Variants in CERT1 observed in about 807,000 individuals in gnomAD.
The protein encoded by CERT1 is ceramide transporter 1.
In CERT1, 31 loss-of-function variants were observed where a neutral mutation model predicts 87.9. That is an observed-to-expected ratio of 0.35 (90% CI 0.27 to 0.48). The LOEUF (loss-of-function observed/expected upper bound fraction) is 0.48, where lower values mean the gene tolerates loss of function less well. CERT1 is among the 20% of genes least tolerant of loss of function. The pLI is 0.99. For synonymous variants in CERT1, 289 were observed against 250.9 expected (o/e 1.15, Z -1.44); for missense variants, 487 against 758.0 (o/e 0.64, Z 4.20).
At chr5:75,379,566 C>T (rs1162086085) in intron 16 of CERT1, 93 bp from the exon 17 acceptor site, 1 of 1,174,080 alleles carries the variant, frequency 8.5e-7, no homozygotes, top group Non-Finnish European at 1.2e-6. Context: ...TAAAATATTC[C>T]TCACATTGGA....
chr5:75,399,530 A>G, intron 10 of CERT1, 143 bp from the exon 11 acceptor site: 1 of 661,192 alleles, frequency 1.5e-6, no homozygotes, highest in Non-Finnish European at 2.8e-6. Context: ...TGCTGACTTC[A>G]TGCACCTATT....
chr5:75,511,748 C>G, upstream of CERT1: 2 of 1,551,026 alleles, frequency 1.3e-6, no homozygotes, highest in Non-Finnish European at 1.7e-6. Flanking sequence ...GATCCTCCTC[C>G]CGAACCCTAC....
chr5:75,387,404 G>A (rs1761836015), intron 12 of CERT1, among the ~76,000 whole-genome samples: 1 of 152,048 alleles, frequency 6.6e-6, no homozygotes, highest in African/African-American at 2.4e-5. Context: ...TAAGTAGTCT[G>A]CTTGTTCTCC....
intron 2 of CERT1, among the ~76,000 whole-genome samples, chr5:75,503,300 G>A (rs974550990): frequency 6.6e-6 from 1 of 151,782 alleles, no homozygotes; most frequent in African/African-American, 2.4e-5. Context: ...AATTTCATAA[G>A]AGTGCCATAT....
At chr5:75,477,182 G>A (rs1480668895) in intron 2 of CERT1, among the ~76,000 whole-genome samples, 1 of 152,062 alleles carries the variant, frequency 6.6e-6, no homozygotes, top group African/African-American at 2.4e-5. Context: ...TATTTGGAGA[G>A]TTGGTTCTTC....
At chr5:75,493,055 G>A (rs926409179) in intron 2 of CERT1, among the ~76,000 whole-genome samples, 3 of 152,062 alleles carry the variant, frequency 2.0e-5, no homozygotes, top group Non-Finnish European at 4.4e-5. Flanking sequence ...AACCTCTATC[G>A]CATTTTCCTC....
At chr5:75,423,384 GA>G (rs11331996) in intron 5 of CERT1, among the ~76,000 whole-genome samples, 52,540 of 147,190 alleles carry the variant, frequency 0.36, 11,009 homozygotes, top group African/African-American at 0.6. Context: ...TTTTAGAGGG[GA>G]AAAAAAAAAA....
chr5:75,444,858 A>C (rs1473300178), intron 3 of CERT1, among the ~76,000 whole-genome samples: 1 of 151,940 alleles, frequency 6.6e-6, no homozygotes, highest in Non-Finnish European at 1.5e-5. Flanking sequence ...TTGATTTTTC[A>C]TAGTGAAATA....
At chr5:75,458,361 C>T (rs1441400380) in intron 3 of CERT1, among the ~76,000 whole-genome samples, 1 of 151,938 alleles carries the variant, frequency 6.6e-6, no homozygotes, top group East Asian at 1.9e-4. Context: ...TAAGAATTTA[C>T]CCAAAAAGTT....
At chr5:75,440,111 A>G (rs888656874) in intron 3 of CERT1, among the ~76,000 whole-genome samples, 1 of 152,122 alleles carries the variant, frequency 6.6e-6, no homozygotes, top group African/African-American at 2.4e-5. Context: ...CAAGACTCAG[A>G]CTGAAAATGT....
chr5:75,495,685 C>CT (rs1767028305), intron 2 of CERT1, among the ~76,000 whole-genome samples: 1 of 152,076 alleles, frequency 6.6e-6, no homozygotes, highest in South Asian at 2.1e-4. Flanking sequence ...AAATTTAAGG[C>CT]TTTGTCACTT....
chr5:75,504,702 A>G (rs957503132), intron 2 of CERT1, among the ~76,000 whole-genome samples: 3 of 151,510 alleles, frequency 2.0e-5, no homozygotes, highest in East Asian at 1.9e-4. Flanking sequence ...TTTTAACTAC[A>G]ACAGCTCCCT....
intron 10 of CERT1, 128 bp from the exon 11 acceptor site, chr5:75,399,515 G>C (rs1762383103): frequency 2.9e-6 from 2 of 695,192 alleles, no homozygotes; most frequent in Admixed American, 2.3e-5. Context: ...AAGCACAGCA[G>C]CAACTGCTGA....
At chr5:75,440,614 C>A (rs535829147) in intron 3 of CERT1, among the ~76,000 whole-genome samples, 2 of 152,092 alleles carry the variant, frequency 1.3e-5, no homozygotes, top group Non-Finnish European at 2.9e-5. Context: ...AGGCAAAATG[C>A]TAAAGTGACA....
At chr5:75,419,838 T>A (rs931525124) in intron 5 of CERT1, among the ~76,000 whole-genome samples, 1 of 152,186 alleles carries the variant, frequency 6.6e-6, no homozygotes, top group Non-Finnish European at 1.5e-5. Flanking sequence ...GAGTTATGAA[T>A]TATTTCACCC....
chr5:75,502,431 T>C (rs1259862364), intron 2 of CERT1, among the ~76,000 whole-genome samples: 1 of 152,054 alleles, frequency 6.6e-6, no homozygotes. Context: ...GTTTCAATAA[T>C]GATTGTAATA....
chr5:75,500,200 C>G (rs1464562618), intron 2 of CERT1, among the ~76,000 whole-genome samples: 1 of 152,134 alleles, frequency 6.6e-6, no homozygotes, highest in African/African-American at 2.4e-5. Context: ...CAGAAGGAAC[C>G]AACCCTGCCC....
At chr5:75,487,797 C>G (rs887680324) in intron 2 of CERT1, among the ~76,000 whole-genome samples, 7 of 151,846 alleles carry the variant, frequency 4.6e-5, no homozygotes, top group African/African-American at 1.7e-4. Context: ...TTTATAATGG[C>G]CATTATAAGT....
At chr5:75,387,080 G>C (rs1243322500) in intron 12 of CERT1, among the ~76,000 whole-genome samples, 2 of 152,082 alleles carry the variant, frequency 1.3e-5, no homozygotes, top group Non-Finnish European at 2.9e-5. Flanking sequence ...TGTTGGCCAA[G>C]CTGGTCTCAA....
Sources: gnomAD v4.1 joint callset for allele counts (sites outside exome capture counted in the v4.1 genomes callset) on GRCh38, gnomAD v4.1.1 for gene constraint, MANE v1.5 for transcripts, NCBI Gene and HGNC (gene_info 2026-07-23, HGNC 2026-07-21) for gene names.